CXCL6: variants seen among roughly 807,000 people sequenced by gnomAD.
CXCL6 encodes C-X-C motif chemokine 6.
In CXCL6, 18 loss-of-function variants were observed where a neutral mutation model predicts 10.5. The observed-to-expected ratio is 1.71, with a 90% CI of 1.18 to 2.54. The LOEUF is 2.54. CXCL6 is among the 30% of genes most tolerant of loss of function. The probability of loss-of-function intolerance (pLI) is 0.00; values close to 1 mark genes in which losing one functional copy is unlikely to be tolerated. For synonymous variants in CXCL6, 82 were observed against 68.3 expected (o/e 1.20, Z -0.99); for missense variants, 171 against 145.7 (o/e 1.17, Z -0.90).
At chr4:73,837,360 C>T in intron 3 of CXCL6, 74 bp downstream of exon 3, 1 of 1,343,416 alleles carries the variant, frequency 7.4e-7, no homozygotes. Context: ...TGTCCTTATT[C>T]TCTCTGTAGG....
Position 73,837,665 on chromosome 4 carries a change from TA to T in CXCL6, c.*28del, listed in dbSNP as rs754726517. ...GAGTAACAAAAAAGACCATGCATCA[TA>T]AAATTGCCCAGTCTTCAGCGGAGCA... On this transcript the variant is annotated 3_prime_UTR_variant, in exon 4 of 4. Transcript: ENST00000226317. 3.4e-5 allele frequency: 52 copies of T among 1,547,546 alleles called. No individual in the cohort carries two copies. The highest frequency in any genetic ancestry group is 4.4e-5 in the Non-Finnish European group (51 of 1,158,822).
At chr4:73,836,889 C>A in intron 1 of CXCL6, 30 bp downstream of exon 1, 1 of 1,610,464 alleles carries the variant, frequency 6.2e-7, no homozygotes, top group Non-Finnish European at 8.5e-7. Flanking sequence ...GGGTGCATCC[C>A]AGCCTCTGCG....
In CXCL6 at chr4:73,836,763, T is replaced by C. The variant is rs1731109874; in HGVS notation, c.13T>C (p.Ser5Pro). The C allele has an allele frequency of 3.7e-6, 6 of 1,610,374 alleles. No homozygotes were observed. Among genetic ancestry groups the C allele is most frequent in the Non-Finnish European group, 5.1e-6 (6 of 1,178,860 alleles). Residue 5 changes from serine (S) to proline (P), a missense_variant, in exon 1 of 4, where the codon TCC (serine) becomes CCC (proline). By Grantham distance (74) the Ser-to-Pro change is moderately conservative. Transcript: ENST00000226317. ...TCTCTTGACCACTATGAGCCTCCCG[T>C]CCAGCCGCGCGGCCCGTGTCCCGGG... The part of the protein sequence containing the change: MSLP[S>P]SRAARVPGPS...
chr4:73,837,172 C>T (rs932941033), intron 2 of CXCL6, 31 bp from the exon 3 acceptor site: 3 of 1,613,792 alleles, frequency 1.9e-6, no homozygotes, highest in Admixed American at 1.7e-5. Flanking sequence ...CTTTGTGGCT[C>T]ATGGGTGCAT....
chr4:73,837,595 TATACTA>T, intron 3 of CXCL6, 22 bp from the exon 4 acceptor site: 5 of 1,566,684 alleles, frequency 3.2e-6, no homozygotes, highest in Non-Finnish European at 4.3e-6. Flanking sequence ...GGGAATTGGT[TATACTA>T]ATATAACTCT....
rs767886944 is a variant in CXCL6, at chr4:73,836,875, A to G, written c.109+16A>G. ...CTCGCCAGCGGTGAGAGCTCCTGGC[A>G]CTGGGGTGCATCCCAGCCTCTGCGG... On this transcript the variant is annotated intron_variant, in intron 1 of 3. Coordinates refer to ENST00000226317, the MANE Select transcript of CXCL6 (RefSeq NM_002993.4). 1 of 1,612,028 alleles carries G rather than the reference A, an allele frequency of 6.2e-7. No individual in the cohort carries two copies. The highest frequency in any genetic ancestry group is 1.7e-5 in the Admixed American group (1 of 59,862).
chr4:73,836,960 C>G lies in CXCL6; in HGVS notation c.110-4C>G, dbSNP rs1352237967. The G allele has an allele frequency of 3.1e-6, 5 of 1,604,294 alleles. No homozygotes were observed. Among genetic ancestry groups the G allele is most frequent in the Non-Finnish European group, 4.3e-6 (5 of 1,175,106 alleles). ...TGCCCTATAAAAATGTCTTTCTTCC[C>G]CAGCTGGTCCTGTCTCTGCTGTGCT... On this transcript the variant is annotated splice_region_variant and splice_polypyrimidine_tract_variant and intron_variant, in intron 1 of 3. Transcript: ENST00000226317.
In CXCL6 at chr4:73,837,099, A is replaced by G. The variant is rs750344173; in HGVS notation, c.242+3A>G. On this transcript the variant is annotated splice_donor_region_variant and intron_variant, in intron 2 of 3. Transcript: ENST00000226317. The stretch of plus-strand genomic sequence containing the variant: ...CAGTGCTCCAAGGTGGAAGTGGTGT[A>G]AGTTCTCCTGTGTTGCTGTGTCCAC... 6.2e-7 allele frequency: 1 copy of G among 1,612,988 alleles called. No individual in the cohort carries two copies. Among genetic ancestry groups the G allele is most frequent in the African/African-American group, 1.3e-5 (1 of 74,874 alleles).
rs1731135414 is a variant in CXCL6 at position 73,837,677 on chromosome 4, G to C, written c.*36G>C. The C allele has an allele frequency of 6.5e-7, 1 of 1,536,098 alleles. No homozygotes were observed. Among genetic ancestry groups the C allele is most frequent in the Non-Finnish European group, 8.7e-7 (1 of 1,151,592 alleles). ...AGACCATGCATCATAAAATTGCCCA[G>C]TCTTCAGCGGAGCAGTTTTCTGGAG... On this transcript the variant is annotated 3_prime_UTR_variant, in exon 4 of 4. Transcript: ENST00000226317.
At position 73,836,845 on chromosome 4, in the gene CXCL6, G is replaced by A. The variant is rs1462126844; in HGVS notation, c.95G>A (p.Gly32Glu). 1 of 1,612,164 alleles carries A rather than the reference G, an allele frequency of 6.2e-7. No individual in the cohort carries two copies. Among genetic ancestry groups the A allele is most frequent in the Non-Finnish European group, 8.5e-7 (1 of 1,179,012 alleles). Residue 32 changes from glycine to glutamate, a missense_variant, in exon 1 of 4, where the codon GGG becomes GAG. Transcript: ENST00000226317. ...LALLLLLTPP[G>E]PLASAGPVSA... ...CTGCTGCTCCTGCTGACGCCGCCGG[G>A]GCCCCTCGCCAGCGGTGAGAGCTCC... is the stretch of plus-strand genomic sequence containing the variant.
At position 73,836,713 on chromosome 4, in the gene CXCL6, A is replaced by G. The variant is rs746625197; in HGVS notation, c.-38A>G. Reference sequence around the variant, plus strand: ...TGTATCCTCCAGTCTCCGCGCCTCCACCCAGCTCAGGAACCCGCGAACCCT... The same window carrying G: ...TGTATCCTCCAGTCTCCGCGCCTCCGCCCAGCTCAGGAACCCGCGAACCCT... On this transcript the variant is annotated 5_prime_UTR_variant, in exon 1 of 4. Coordinates refer to ENST00000226317, the MANE Select transcript of CXCL6 (RefSeq NM_002993.4). 52 of 1,555,080 alleles carry G rather than the reference A, an allele frequency of 3.3e-5. No individual in the cohort carries two copies. Among genetic ancestry groups the G allele is most frequent in the Non-Finnish European group, 4.5e-5 (52 of 1,143,006 alleles).
At position 73,837,004 on chromosome 4, in the gene CXCL6, T is replaced by C. The variant is rs2109754241; in HGVS notation, c.150T>C (p.Thr50=). 1 of 1,613,388 alleles carries C rather than the reference T, an allele frequency of 6.2e-7. No homozygotes were observed. Among genetic ancestry groups the C allele is most frequent in the Admixed American group, 1.7e-5 (1 of 59,888 alleles). Residue 50 remains threonine (T), a synonymous_variant, in exon 2 of 4, where the codon ACT becomes ACC. Transcript: ENST00000226317. ...CTGTGCTGACAGAGCTGCGTTGCAC[T>C]TGTTTACGCGTTACGCTGAGAGTAA... ...VSAVLTELRC[T]CLRVTLRVNP...
Position 73,838,312 on chromosome 4 carries a change from T to A in CXCL6, c.*671T>A, listed in dbSNP as rs1294812386. On this transcript the variant is annotated 3_prime_UTR_variant, in exon 4 of 4. Coordinates refer to ENST00000226317, the MANE Select transcript of CXCL6 (RefSeq NM_002993.4). ...GATGTCTTCTTAGTATGGCATAATG[T>A]CATGATTTACTCATTAAACTTTGAT... 2.0e-5 allele frequency: 3 copies of A among 152,340 alleles called. No homozygotes were observed. Among genetic ancestry groups the A allele is most frequent in the African/African-American group, 2.4e-5 (1 of 41,588 alleles). 9.4% of individuals were successfully genotyped at this position (152,340 alleles called of 1,614,324 possible).
rs775852013 is a variant in CXCL6 at position 73,836,806 on chromosome 4, GCGCGCTGCT to G, written c.66_74del (p.Ala23_Leu25del). 3 of 1,612,256 alleles carry G rather than the reference GCGCGCTGCT, an allele frequency of 1.9e-6. No individual in the cohort carries two copies. The South Asian group carries it at 3.3e-5, about 18-fold the overall frequency. On this transcript the variant is annotated inframe_deletion, in exon 1 of 4. Transcript: ENST00000226317. ...GTCCCGGGTCCTTCGGGCTCCTTGT[GCGCGCTGCT>G]CGCGCTGCTGCTCCTGCTGACGCCG...
intron 3 of CXCL6, 80 bp from the exon 4 acceptor site, chr4:73,837,543 C>A: frequency 7.2e-7 from 1 of 1,391,580 alleles, no homozygotes; most frequent in African/African-American, 1.5e-5. Flanking sequence ...TTTTTTCCCC[C>A]ACCAAACGCT....
Position 73,837,015 on chromosome 4 carries a change from T to C in CXCL6, c.161T>C (p.Val54Ala). ...LTELRCTCLR[V>A]TLRVNPKTIG... is the part of the protein sequence containing the mutation. ...GAGCTGCGTTGCACTTGTTTACGCG[T>C]TACGCTGAGAGTAAACCCCAAAACG... is the stretch of plus-strand genomic sequence containing the variant. Residue 54 changes from valine to alanine, a missense_variant, in exon 2 of 4, where the codon GTT becomes GCT. Transcript: ENST00000226317. The C allele has an allele frequency of 6.2e-7, 1 of 1,613,812 alleles. No individual in the cohort carries two copies. Among genetic ancestry groups the C allele is most frequent in the Non-Finnish European group, 8.5e-7 (1 of 1,179,846 alleles).
chr4:73,837,548 A>T, intron 3 of CXCL6, 75 bp from the exon 4 acceptor site: 1 of 1,437,644 alleles, frequency 7.0e-7, no homozygotes, highest in Non-Finnish European at 9.6e-7. Flanking sequence ...TCCCCCACCA[A>T]ACGCTTTTGA....
chr4:73,836,765 C>T lies in CXCL6; in HGVS notation c.15C>T (p.Ser5=). The T allele has an allele frequency of 6.2e-7, 1 of 1,610,608 alleles. No homozygotes were observed. The highest frequency in any genetic ancestry group is 8.5e-7 in the Non-Finnish European group (1 of 1,178,954). The change falls in exon 1 of 4, where the codon TCC becomes TCT. Residue 5 remains serine (S), a synonymous_variant. Transcript: ENST00000226317. Reference sequence around the variant, plus strand: ...TCTTGACCACTATGAGCCTCCCGTCCAGCCGCGCGGCCCGTGTCCCGGGTC... The same window carrying T: ...TCTTGACCACTATGAGCCTCCCGTCTAGCCGCGCGGCCCGTGTCCCGGGTC... MSLP[S]SRAARVPGPS...
In CXCL6 at chr4:73,837,074, C is replaced by T. The variant is rs149811429; in HGVS notation, c.220C>T (p.Gln74Ter). Reference protein sequence around the residue: ...GKLQVFPAGPQCSKVEVVASL... With the variant: ...GKLQVFPAGP The stretch of plus-strand genomic sequence containing the variant: ...ACTGCAGGTGTTCCCCGCAGGCCCG[C>T]AGTGCTCCAAGGTGGAAGTGGTGTA... Residue 74 changes from glutamine to a stop codon, truncating the protein, a stop_gained, in exon 2 of 4, where the codon CAG becomes TAG. Transcript: ENST00000226317. LOFTEE classifies it high-confidence loss of function. 6.2e-7 allele frequency: 1 copy of T among 1,613,578 alleles called. No individual in the cohort carries two copies. The highest frequency in any genetic ancestry group is 1.7e-5 in the Admixed American group (1 of 59,974).
Sources: allele counts gnomAD v4.1 joint callset, GRCh38; gene constraint gnomAD v4.1.1; transcripts MANE v1.5; gene names NCBI Gene and HGNC (gene_info 2026-07-23, HGNC 2026-07-21).